Variants in ZSWIM5 observed in about 807,000 individuals in gnomAD.
ZSWIM5 encodes zinc finger SWIM-type containing 5.
Under a neutral mutation model 119.6 loss-of-function variants are expected in ZSWIM5, and 55 were observed. The observed-to-expected ratio is 0.46, with a 90% CI of 0.37 to 0.58. The LOEUF is 0.58. ZSWIM5 is among the 20% of genes least tolerant of loss of function. The probability of loss-of-function intolerance (pLI) is 0.00; values close to 1 mark genes in which losing one functional copy is unlikely to be tolerated. For synonymous variants in ZSWIM5, 537 were observed against 606.9 expected, an observed-to-expected ratio of 0.88 and a Z score of 1.69; for missense variants, 1,193 against 1,512.8, an observed-to-expected ratio of 0.79 and a Z score of 3.51.
At chr1:45,173,454 A>C (rs1645957872) in intron 1 of ZSWIM5, among the ~76,000 whole-genome samples, 1 of 152,196 alleles carries the variant, frequency 6.6e-6, no homozygotes, top group African/African-American at 2.4e-5. Flanking sequence ...AAAAGGAAAC[A>C]ATTTCAGTAT....
intron 1 of ZSWIM5, among the ~76,000 whole-genome samples, chr1:45,156,112 A>G (rs1043890938): frequency 5.3e-5 from 8 of 152,162 alleles, no homozygotes; most frequent in Non-Finnish European, 1.2e-4. Flanking sequence ...ACCATGGAAT[A>G]CTACACAGCC....
rs1307344587 is a variant in ZSWIM5 at position 45,020,753 on chromosome 1, T to C, written c.2485A>G (p.Ile829Val). The change falls in exon 12 of 14, where the codon ATA becomes GTA. Residue 829 changes from isoleucine (I) to valine (V), a missense_variant. Physicochemically the swap from Ile to Val is conservative, Grantham distance 29. Coordinates refer to ENST00000359600, the MANE Select transcript of ZSWIM5 (RefSeq NM_020883.2). Reference protein sequence around the residue: ...TLRLRTILEAIQKHIHSSSLI... With the variant: ...TLRLRTILEAVQKHIHSSSLI... ...GAGGAAGAATGAATGTGCTTCTGTA[T>C]TGCTTCCAGAATTGTTCGGAGTCTC... 6.2e-7 allele frequency: 1 copy of C among 1,614,046 alleles called. No individual in the cohort carries two copies. The highest frequency in any genetic ancestry group is 1.3e-5 in the African/African-American group (1 of 74,938).
chr1:45,019,266 G>A lies in ZSWIM5; in HGVS notation c.2746C>T (p.Pro916Ser). 1 of 1,613,802 alleles carries A rather than the reference G, an allele frequency of 6.2e-7. No individual in the cohort carries two copies. The highest frequency in any genetic ancestry group is 8.5e-7 in the Non-Finnish European group (1 of 1,180,028). The stretch of plus-strand genomic sequence containing the variant: ...GCTACAATACTAGTAGCCTCAGTAG[G>A]GGTGAAGAGTGTGTACCAGCTCTGC... ...ILQSWYTLFT[P>S]TEATSIVAAT... The change falls in exon 14 of 14, where the codon CCT becomes TCT. Residue 916 changes from proline to serine, a missense_variant. Pro to Ser is a moderately conservative substitution (Grantham distance 74). This residue lies in a region of ZSWIM5 where 961 missense variants were observed against 1,290.0 expected (regional missense o/e 0.74). Coordinates refer to ENST00000359600, the MANE Select transcript of ZSWIM5 (RefSeq NM_020883.2). This position sits in a 1 kb window ranked among gnomAD's most constrained non-coding sequence, Gnocchi z 5.0.
intron 1 of ZSWIM5, among the ~76,000 whole-genome samples, chr1:45,095,726 A>G (rs1173532970): frequency 6.6e-6 from 1 of 152,100 alleles, no homozygotes; most frequent in Non-Finnish European, 1.5e-5. Context: ...TTTTGACCTG[A>G]TCTCTCCCTT....
Position 45,087,965 on chromosome 1 carries a change from C to T in ZSWIM5, c.868G>A (p.Ala290Thr), listed in dbSNP as rs201553167. Residue 290 changes from alanine to threonine, a missense_variant, in exon 2 of 14, where the codon GCA becomes ACA. By Grantham distance (58) the Ala-to-Thr change is moderately conservative. Transcript: ENST00000359600. Reference sequence around the variant, plus strand: ...GTAGGAAGAACTTCAGTGTGGTGTGCCGTGATTAAATATTGAATAAACTTT... The same window carrying T: ...GTAGGAAGAACTTCAGTGTGGTGTGTCGTGATTAAATATTGAATAAACTTT... ...LQKFIQYLIT[A>T]HHTEVLPTAQ... is the part of the protein sequence containing the mutation. The T allele has an allele frequency of 3.1e-4, 495 of 1,613,962 alleles. No individual in the cohort carries two copies. The highest frequency in any genetic ancestry group is 4.0e-4 in the Non-Finnish European group (475 of 1,180,016).
chr1:45,162,933 G>A (rs1645872846), intron 1 of ZSWIM5, among the ~76,000 whole-genome samples: 1 of 152,246 alleles, frequency 6.6e-6, no homozygotes, highest in South Asian at 2.1e-4. Flanking sequence ...AACTTCTGCA[G>A]ACTTAAACAT....
chr1:45,138,376 G>A (rs1432910050), intron 1 of ZSWIM5, among the ~76,000 whole-genome samples: 2 of 151,688 alleles, frequency 1.3e-5, no homozygotes, highest in African/African-American at 4.8e-5. Flanking sequence ...ATGGTGGTGT[G>A]TGCCTGTAGA....
intron 4 of ZSWIM5, among the ~76,000 whole-genome samples, chr1:45,056,551 G>A (rs2148999303): frequency 6.6e-6 from 1 of 150,840 alleles, no homozygotes; most frequent in East Asian, 2.0e-4. Flanking sequence ...CCAAGACTGT[G>A]CCACTGCCAA....
In ZSWIM5 at chr1:45,017,407, C is replaced by T. The variant is rs542904632; in HGVS notation, c.*1047G>A. 1 of 152,352 alleles carries T rather than the reference C, an allele frequency of 6.6e-6. No individual in the cohort carries two copies. Among genetic ancestry groups the T allele is most frequent in the East Asian group, 1.9e-4 (1 of 5,190 alleles). 9.4% of individuals were successfully genotyped at this position (152,352 alleles called of 1,614,324 possible). On this transcript the variant is annotated 3_prime_UTR_variant, in exon 14 of 14. Coordinates refer to ENST00000359600, the MANE Select transcript of ZSWIM5 (RefSeq NM_020883.2). ...GTGCATTTGCACAAAGATGTGCATC[C>T]TCACATGTACACAAAATGTGTATAT... is the stretch of plus-strand genomic sequence containing the variant.
At chr1:45,199,129 C>CT (rs960675188) in intron 1 of ZSWIM5, among the ~76,000 whole-genome samples, 14 of 148,572 alleles carry the variant, frequency 9.4e-5, no homozygotes, top group South Asian at 4.3e-4. Flanking sequence ...TTGGTACAGT[C>CT]TTTTTTTTTT....
At chr1:45,047,942 A>G (rs1645065097) in intron 5 of ZSWIM5, among the ~76,000 whole-genome samples, 1 of 152,192 alleles carries the variant, frequency 6.6e-6, no homozygotes, top group Admixed American at 6.5e-5. Context: ...GATGGCACAG[A>G]CTAGGGAAAT....
chr1:45,201,972 T>C (rs969461445), intron 1 of ZSWIM5, among the ~76,000 whole-genome samples: 3 of 152,052 alleles, frequency 2.0e-5, no homozygotes, highest in South Asian at 2.1e-4. Context: ...CAAGCACTTA[T>C]TGAACATTAA....
At position 45,018,426 on chromosome 1, in the gene ZSWIM5, C is replaced by A. The variant is rs1226923064; in HGVS notation, c.*28G>T. The stretch of plus-strand genomic sequence containing the variant: ...ACCTGATACTACCTGGGAACCCAGG[C>A]TGCTCTGGCAGTGAGCTATCTGCTC... On this transcript the variant is annotated 3_prime_UTR_variant, in exon 14 of 14. Coordinates refer to ENST00000359600, the MANE Select transcript of ZSWIM5 (RefSeq NM_020883.2). The surrounding 1 kb of genome is among the most constrained non-coding windows in gnomAD (Gnocchi z 6.7). 2.5e-6 allele frequency: 4 copies of A among 1,600,244 alleles called. No homozygotes were observed. The South Asian group carries it at 3.4e-5, about 14-fold the overall frequency.
At chr1:45,160,989 A>ATTTTTTTTTTTTTTTT (rs534599856) in intron 1 of ZSWIM5, among the ~76,000 whole-genome samples, 3,574 of 121,742 alleles carry the variant, frequency 0.029, 162 homozygotes, top group East Asian at 0.041. Flanking sequence ...GCCCGGCTAA[A>ATTTTTTTTTTTTTTTT]TTTTTTTTTT....
At chr1:45,165,101 A>T (rs1177692215) in intron 1 of ZSWIM5, among the ~76,000 whole-genome samples, 1 of 152,162 alleles carries the variant, frequency 6.6e-6, no homozygotes, top group African/African-American at 2.4e-5. Flanking sequence ...AAGAACAGAA[A>T]TTATAACAAA....
In ZSWIM5 at chr1:45,052,217, G is replaced by A. The variant is rs1389896429; in HGVS notation, c.1253-964C>T. Among the ~76,000 whole-genome samples the A allele has an allele frequency of 3.3e-5, 5 of 151,712 alleles. No individual in the cohort carries two copies. The South Asian group carries it at 6.2e-4, about 19-fold the overall frequency. On this transcript the variant is annotated intron_variant, in intron 4 of 13. Coordinates refer to ENST00000359600, the MANE Select transcript of ZSWIM5 (RefSeq NM_020883.2). ...ATTTTTGTATTTTTAGTAGAGATGA[G>A]GTTTCACCATGTCGGCTAGGTTTGT...
chr1:45,131,773 A>G (rs1269059617), intron 1 of ZSWIM5, among the ~76,000 whole-genome samples: 1 of 151,084 alleles, frequency 6.6e-6, no homozygotes, highest in East Asian at 1.9e-4. Context: ...ATTAATGATG[A>G]TAGTAGCTAC....
At position 45,036,190 on chromosome 1, in the gene ZSWIM5, G is replaced by A. The variant is rs1460336581; in HGVS notation, c.2004C>T (p.Gly668=). The A allele has an allele frequency of 6.2e-7, 1 of 1,614,050 alleles. No homozygotes were observed. The highest frequency in any genetic ancestry group is 1.7e-5 in the Admixed American group (1 of 60,002). Residue 668 remains glycine, a synonymous_variant, in exon 9 of 14, where the codon GGC becomes GGT. Transcript: ENST00000359600. ...LSLALEVALM[G]LGQQRLMPEG... ...CAGGCATTAACCTCTGTTGACCCAG[G>A]CCCATCAGTGCAACTTCCAGGGCCA...
intron 3 of ZSWIM5, among the ~76,000 whole-genome samples, 191 bp downstream of exon 3, chr1:45,059,908 G>A (rs1367027065): frequency 6.6e-6 from 1 of 152,144 alleles, no homozygotes; most frequent in Non-Finnish European, 1.5e-5. Context: ...GGACTACCAG[G>A]TTGAGGTGGG....
Sources: allele counts gnomAD v4.1 joint callset (sites outside exome capture counted in the v4.1 genomes callset), GRCh38; gene constraint gnomAD v4.1.1; regional missense constraint gnomAD v4.1.1; non-coding constraint Gnocchi (gnomAD v3.1); transcripts MANE v1.5; gene names NCBI Gene and HGNC (gene_info 2026-07-23, HGNC 2026-07-21).